The following CHM variants were observed in gnomAD, a reference collection of about 807,000 sequenced individuals.
CHM encodes the protein rab proteins geranylgeranyltransferase component A 1.
CHM carries 10 observed loss-of-function variants against 49.0 expected under a neutral mutation model. The observed-to-expected ratio is 0.20, with a 90% confidence interval of 0.13 to 0.35. CHM has a LOEUF of 0.35. Ranked by LOEUF, CHM falls within the 10% of genes least tolerant of loss-of-function variation. The pLI, the probability that CHM is intolerant of heterozygous loss-of-function variation, is 1.00. For missense variants in CHM, 455 were observed against 478.4 expected, an observed-to-expected ratio of 0.95 and a Z score of 0.46; for synonymous variants, 184 against 167.5, an observed-to-expected ratio of 1.10 and a Z score of -0.76.
chrX:85,964,176 A>G, intron 4 of CHM, 124 bp from the exon 5 acceptor site: 1 of 586,507 alleles, frequency 1.7e-6, no homozygotes. Context: ...TTAATGTTTC[A>G]GTAAAATATG....
chrX:85,877,211 T>C (rs1268075229), intron 13 of CHM, among the ~76,000 whole-genome samples: 1 of 111,832 alleles, frequency 8.9e-6, no homozygotes, highest in East Asian at 2.8e-4. Context: ...ATAATTTAAT[T>C]TGTAAATTAA....
chrX:85,965,439 G>A (rs1930524540), intron 4 of CHM, among the ~76,000 whole-genome samples: 1 of 111,209 alleles, frequency 9.0e-6, no homozygotes, highest in South Asian at 3.8e-4. Context: ...AAATCAGACT[G>A]TAATTCCTTG....
intron 5 of CHM, among the ~76,000 whole-genome samples, chrX:85,963,244 T>C (rs1930389077): frequency 8.9e-6 from 1 of 111,928 alleles, no homozygotes; most frequent in African/African-American, 3.3e-5. Flanking sequence ...AACACGATTT[T>C]TAAAAATTCA....
intron 8 of CHM, among the ~76,000 whole-genome samples, chrX:85,916,800 G>A (rs964044183): frequency 3.6e-5 from 4 of 112,224 alleles, no homozygotes; most frequent in Admixed American, 1.9e-4. Context: ...AATAACAGAT[G>A]CTGGTAAGGT....
chrX:85,983,686 A>T (rs1338974312), intron 2 of CHM, among the ~76,000 whole-genome samples: 1 of 111,948 alleles, frequency 8.9e-6, no homozygotes, highest in African/African-American at 3.2e-5. Context: ...GAAAGCTTCA[A>T]GATCAAAGTA....
At chrX:85,892,802 T>C (rs1257748411) in intron 12 of CHM, among the ~76,000 whole-genome samples, 1 of 111,868 alleles carries the variant, frequency 8.9e-6, no homozygotes, top group Non-Finnish European at 1.9e-5. Flanking sequence ...AAGTAGTAGC[T>C]CTACATTTCC....
At chrX:85,949,224 A>C (rs957840988) in intron 8 of CHM, among the ~76,000 whole-genome samples, 7 of 112,539 alleles carry the variant, frequency 6.2e-5, no homozygotes, top group South Asian at 3.7e-4. Flanking sequence ...ACATTCTGAA[A>C]TTTTATATCT....
chrX:85,979,573 A>G (rs1448400620), intron 3 of CHM, among the ~76,000 whole-genome samples: 1 of 111,991 alleles, frequency 8.9e-6, no homozygotes, highest in Non-Finnish European at 1.9e-5. Context: ...GAGTATTTGA[A>G]TACACAGTAT....
At chrX:85,911,152 T>TATATATGTATATATATATATATATGA (rs1556276692) in intron 9 of CHM, 109 bp downstream of exon 9, 1 of 4,314 alleles carries the variant, frequency 2.3e-4, no homozygotes, top group Non-Finnish European at 3.4e-4. Flanking sequence ...TATATATATA[T>TATATATGTATATATATATATATATGA]ATATATATAT....
intron 9 of CHM, among the ~76,000 whole-genome samples, chrX:85,906,145 ATAGTG>A (rs1248798627): frequency 3.6e-5 from 4 of 112,033 alleles, no homozygotes; most frequent in African/African-American, 1.3e-4. Flanking sequence ...TACTTTGTGA[ATAGTG>A]TAGAGACAGG....
intron 2 of CHM, 86 bp downstream of exon 2, chrX:86,027,405 C>T (rs1012809889): frequency 1.8e-5 from 13 of 736,604 alleles, no homozygotes; most frequent in African/African-American, 1.5e-4. Context: ...CATGTACATA[C>T]GTACAGACAT....
intron 12 of CHM, among the ~76,000 whole-genome samples, chrX:85,885,282 A>C (rs1346948967): frequency 9.1e-6 from 1 of 109,685 alleles, no homozygotes. Flanking sequence ...TGTGGGGAAA[A>C]TACCTTTAAA....
In CHM at chrX:85,911,692, G is replaced by C. The variant is rs967807540; in HGVS notation, c.1167-354C>G. On this transcript the variant is annotated intron_variant, in intron 8 of 14. Transcript: ENST00000357749. ...TAATGCATGTATGACAAACCCAAGA[G>C]AAATCACCATTGAGAAGTGTTAAAG... 3.6e-5 allele frequency among the ~76,000 whole-genome samples: 4 copies of C among 110,766 alleles called. No homozygotes were observed. The South Asian group carries it at 1.2e-3, about 32-fold the overall frequency.
chrX:85,980,324 A>G (rs1268061223), intron 3 of CHM, among the ~76,000 whole-genome samples: 1 of 112,000 alleles, frequency 8.9e-6, no homozygotes, highest in African/African-American at 3.2e-5. Flanking sequence ...AAACAGTTAA[A>G]TATCTACTTA....
intron 2 of CHM, among the ~76,000 whole-genome samples, chrX:85,992,417 T>G (rs1932243021): frequency 8.9e-6 from 1 of 112,130 alleles, no homozygotes; most frequent in Non-Finnish European, 1.9e-5. Flanking sequence ...TGCCAGATAT[T>G]ATTGAGTACA....
At position 86,021,883 on chromosome X, in the gene CHM, C is replaced by T. The variant is rs775200905; in HGVS notation, c.116+5608G>A. Among the ~76,000 whole-genome samples, 22 of 111,578 alleles carry T rather than the reference C, an allele frequency of 2.0e-4. No individual in the cohort carries two copies. In the East Asian group the frequency reaches 5.4e-3, roughly 27 times the overall value. Reference sequence around the variant, plus strand: ...TGCAGTATGCAACAAAATGGATAAGCCTTGAGGACACTGTACTAAGTGAAA... The same window carrying T: ...TGCAGTATGCAACAAAATGGATAAGTCTTGAGGACACTGTACTAAGTGAAA... On this transcript the variant is annotated intron_variant, in intron 2 of 14. Transcript: ENST00000357749.
rs34046566 is a variant in CHM, at chrX:86,015,061, A to ATT, written c.116+12428_116+12429dup. Among the ~76,000 whole-genome samples the ATT allele has an allele frequency of 3.8e-5, 4 of 106,177 alleles. No individual in the cohort carries two copies. The East Asian group carries it at 1.2e-3, about 31-fold the overall frequency. The allele number at this position is 106,177 out of a possible 115,157, so 92.2% of individuals were successfully genotyped here. On this transcript the variant is annotated intron_variant, in intron 2 of 14. Coordinates refer to ENST00000357749, the MANE Select transcript of CHM (RefSeq NM_000390.4). ...GTTTCAATATATACATGAAAAAGTT[A>ATT]TTTTTTTTTTTATTCTAAAGGAATA... is the stretch of plus-strand genomic sequence containing the variant.
intron 14 of CHM, among the ~76,000 whole-genome samples, chrX:85,868,556 T>G (rs1050428295): frequency 9.0e-6 from 1 of 111,259 alleles, no homozygotes; most frequent in Non-Finnish European, 1.9e-5. Flanking sequence ...CCTTTTATCT[T>G]TGGCATGCAA....
At chrX:85,951,868 C>T (rs1421998362) in intron 8 of CHM, among the ~76,000 whole-genome samples, 1 of 112,497 alleles carries the variant, frequency 8.9e-6, no homozygotes, top group Non-Finnish European at 1.9e-5. Context: ...AATTCCACGG[C>T]AGTGGCCACA....
Sources: gnomAD v4.1 joint callset for allele counts (sites outside exome capture counted in the v4.1 genomes callset) on GRCh38, gnomAD v4.1.1 for gene constraint, MANE v1.5 for transcripts, NCBI Gene and HGNC (gene_info 2026-07-23, HGNC 2026-07-21) for gene names.